MYBPC1: variants seen among roughly 807,000 people sequenced by gnomAD.
MYBPC1 encodes myosin-binding protein C, slow-type.
Under a neutral mutation model 147.1 loss-of-function variants are expected in MYBPC1, and 52 were observed. The ratio of observed to expected loss-of-function variants is 0.35; its 90% CI spans 0.28 to 0.45. MYBPC1 has a LOEUF of 0.45. Among genes scored for constraint, MYBPC1 ranks in the 20% least tolerant of loss-of-function variants. The pLI is 1.00. For missense variants in MYBPC1, 1,228 were observed against 1,440.3 expected, an observed-to-expected ratio of 0.85 and a Z score of 2.39; for synonymous variants, 477 against 475.9, an observed-to-expected ratio of 1.00 and a Z score of -0.03.
rs376956775 is a variant in MYBPC1 at position 101,637,655 on chromosome 12, T to C, written c.665+927T>C. ...CTTTCCAGGCTTTTAAAATTACTTT[T>C]AGTGCTTTCTATGGTTATTAAAAGA... is the stretch of plus-strand genomic sequence containing the variant. On this transcript the variant is annotated intron_variant, in intron 10 of 31. Coordinates refer to ENST00000361466, the MANE Select transcript of MYBPC1 (RefSeq NM_002465.4). Among the ~76,000 whole-genome samples the C allele has an allele frequency of 1.6e-4, 25 of 152,288 alleles. No homozygotes were observed. In the East Asian group the frequency reaches 3.1e-3, roughly 19 times the overall value.
rs375628182 is a variant in MYBPC1, at chr12:101,631,529, C to T, written c.290-42C>T. On this transcript the variant is annotated intron_variant, in intron 6 of 31. Transcript: ENST00000361466. Reference sequence around the variant, plus strand: ...TTCCAGTTGAAAGCAAAACAAATGACGCTTGTTAAAGAGCAAGCTGAATCC... The same window carrying T: ...TTCCAGTTGAAAGCAAAACAAATGATGCTTGTTAAAGAGCAAGCTGAATCC... 25 of 1,606,848 alleles carry T rather than the reference C, an allele frequency of 1.6e-5. No homozygotes were observed. In the East Asian group the frequency reaches 1.6e-4, roughly 10 times the overall value.
At chr12:101,664,871 G>C (rs1897170938) in intron 22 of MYBPC1, among the ~76,000 whole-genome samples, 1 of 152,154 alleles carries the variant, frequency 6.6e-6, no homozygotes, top group South Asian at 2.1e-4. Context: ...AAATTCTTGA[G>C]CACTTCAGTT....
At chr12:101,642,750 T>A (rs770894342) in intron 11 of MYBPC1, among the ~76,000 whole-genome samples, 165 bp downstream of exon 11, 1 of 151,918 alleles carries the variant, frequency 6.6e-6, no homozygotes, top group South Asian at 2.1e-4. Flanking sequence ...CTCCTGAAGG[T>A]TCAAGGTAAC....
chr12:101,617,122 C>G (rs1352784173), intron 2 of MYBPC1, 80 bp from the exon 3 acceptor site: 9 of 1,311,254 alleles, frequency 6.9e-6, no homozygotes, highest in Middle Eastern at 3.7e-4. Context: ...TTTCTTCCCT[C>G]CCCCTCTCCA....
At chr12:101,641,468 TG>T (rs1318332123) in intron 10 of MYBPC1, among the ~76,000 whole-genome samples, 1 of 152,220 alleles carries the variant, frequency 6.6e-6, no homozygotes, top group African/African-American at 2.4e-5. Flanking sequence ...GGAAGACAAG[TG>T]TAAATCTTAA....
intron 1 of MYBPC1, among the ~76,000 whole-genome samples, chr12:101,598,068 G>A (rs552071400): frequency 6.1e-5 from 9 of 147,340 alleles, no homozygotes; most frequent in African/African-American, 2.0e-4. Context: ...GGCCCAGGCT[G>A]GAGTGCAGTG....
chr12:101,615,047 G>A (rs1310304135), intron 2 of MYBPC1: 2 of 188,152 alleles, frequency 1.1e-5, no homozygotes, highest in Non-Finnish European at 2.2e-5. Flanking sequence ...GGTTCAACGT[G>A]AGGACCAACT....
chr12:101,680,470 G>T lies in MYBPC1; in HGVS notation c.3374G>T (p.Cys1125Phe), dbSNP rs766531919. 6.2e-7 allele frequency: 1 copy of T among 1,614,152 alleles called. No homozygotes were observed. Among genetic ancestry groups the T allele is most frequent in the Non-Finnish European group, 8.5e-7 (1 of 1,179,994 alleles). ...AGCCCCTATGATGGAGGCACTTACT[G>T]CTGCAAAGCAGTCAATGACCTTGGG... Reference protein sequence around the residue: ...KPSPYDGGTYCCKAVNDLGTV... With the variant: ...KPSPYDGGTYFCKAVNDLGTV... The change falls in exon 29 of 32, where the codon TGC becomes TTC. Residue 1125 changes from cysteine to phenylalanine, a missense_variant. Transcript: ENST00000361466.
At chr12:101,610,081 C>A (rs139379957) in intron 1 of MYBPC1, among the ~76,000 whole-genome samples, 1 of 152,228 alleles carries the variant, frequency 6.6e-6, no homozygotes, top group Non-Finnish European at 1.5e-5. Flanking sequence ...AATGGGGACA[C>A]CTTGGGGGCT....
intron 28 of MYBPC1, among the ~76,000 whole-genome samples, chr12:101,679,502 G>A (rs973366390): frequency 5.3e-5 from 8 of 152,216 alleles, no homozygotes; most frequent in African/African-American, 1.9e-4. Flanking sequence ...AGAGGTGGAA[G>A]AGAGAATGCA....
intron 1 of MYBPC1, among the ~76,000 whole-genome samples, chr12:101,614,079 C>T (rs1885177150): frequency 6.6e-6 from 1 of 152,110 alleles, no homozygotes; most frequent in Admixed American, 6.6e-5. Context: ...TCACTTCATC[C>T]TAACAGCAGT....
chr12:101,623,907 T>C (rs900655163), intron 3 of MYBPC1, among the ~76,000 whole-genome samples: 10 of 152,218 alleles, frequency 6.6e-5, no homozygotes, highest in African/African-American at 2.4e-4. Context: ...CAGAAATACC[T>C]ATACCGGGCA....
intron 18 of MYBPC1, among the ~76,000 whole-genome samples, chr12:101,654,785 C>T (rs1895239427): frequency 6.6e-6 from 1 of 152,188 alleles, no homozygotes; most frequent in South Asian, 2.1e-4. Context: ...ATGAAAACCT[C>T]ATCATTCACA....
chr12:101,627,754 A>T lies in MYBPC1; in HGVS notation c.143-15A>T. 6.2e-7 allele frequency: 1 copy of T among 1,613,562 alleles called. No individual in the cohort carries two copies. Among genetic ancestry groups the T allele is most frequent in the Non-Finnish European group, 8.5e-7 (1 of 1,179,644 alleles). On this transcript the variant is annotated splice_polypyrimidine_tract_variant and intron_variant, in intron 4 of 31. Coordinates refer to ENST00000361466, the MANE Select transcript of MYBPC1 (RefSeq NM_002465.4). ...TCCACCCCTCTGCATCACCCAAATC[A>T]CACTTTCCTTTCAGGTTTGGGTAGT...
intron 11 of MYBPC1, among the ~76,000 whole-genome samples, chr12:101,644,029 C>CTTTTAT (rs1054873781): frequency 1.8e-4 from 27 of 152,000 alleles, no homozygotes; most frequent in African/African-American, 4.6e-4. Context: ...TAAGCATGTT[C>CTTTTAT]TTTTATTTTT....
intron 1 of MYBPC1, among the ~76,000 whole-genome samples, chr12:101,606,812 T>TG (rs535629535): frequency 2.0e-4 from 30 of 152,144 alleles, no homozygotes; most frequent in Admixed American, 1.4e-3. Flanking sequence ...TTGCTGATTT[T>TG]GGGGGGGTAC....
intron 15 of MYBPC1, among the ~76,000 whole-genome samples, chr12:101,650,607 G>A (rs897555080): frequency 6.6e-5 from 10 of 152,048 alleles, no homozygotes; most frequent in Non-Finnish European, 1.3e-4. Context: ...CTCCCACCAC[G>A]TCCCTCCCAT....
At chr12:101,685,485 T>A in intron 31 of MYBPC1, 97 bp from the exon 32 acceptor site, 1 of 793,904 alleles carries the variant, frequency 1.3e-6, no homozygotes, top group South Asian at 1.5e-5. Flanking sequence ...GGAACATGAT[T>A]AGTCACATTT....
At chr12:101,654,562 T>C (rs921338750) in intron 18 of MYBPC1, among the ~76,000 whole-genome samples, 4 of 152,132 alleles carry the variant, frequency 2.6e-5, no homozygotes, top group Non-Finnish European at 5.9e-5. Flanking sequence ...CTAGAGTTCA[T>C]AGGATACATA....
Sources: allele counts gnomAD v4.1 joint callset (sites outside exome capture counted in the v4.1 genomes callset), GRCh38; gene constraint gnomAD v4.1.1; transcripts MANE v1.5; gene names NCBI Gene and HGNC (gene_info 2026-07-23, HGNC 2026-07-21).